The following POLR3B variants were observed in gnomAD, a reference collection of about 807,000 sequenced individuals.
The protein encoded by POLR3B is DNA-directed RNA polymerase III subunit RPC2.
Under a neutral mutation model 147.4 loss-of-function variants are expected in POLR3B, and 96 were observed. The ratio of observed to expected loss-of-function variants is 0.65; its 90% CI spans 0.55 to 0.77. The LOEUF (loss-of-function observed/expected upper bound fraction) is 0.77, where lower values mean the gene tolerates loss of function less well. Among genes scored for constraint, POLR3B ranks in the 30% least tolerant of loss-of-function variants. POLR3B has a pLI of 0.00. For synonymous variants in POLR3B, 461 were observed against 485.9 expected (o/e 0.95, Z 0.67); for missense variants, 1,036 against 1,413.5 (o/e 0.73, Z 4.28).
intron 10 of POLR3B, among the ~76,000 whole-genome samples, chr12:106,402,400 G>A (rs969801495): frequency 6.6e-6 from 1 of 152,160 alleles, no homozygotes; most frequent in African/African-American, 2.4e-5. Context: ...GTAATTTATA[G>A]ATTCAATGCC....
At chr12:106,369,019 G>C (rs1045483370) in intron 4 of POLR3B, among the ~76,000 whole-genome samples, 1 of 151,744 alleles carries the variant, frequency 6.6e-6, no homozygotes, top group Non-Finnish European at 1.5e-5. Flanking sequence ...ATCATTTTTA[G>C]GGAGCTGTAT....
chr12:106,379,468 T>A (rs111480341), intron 8 of POLR3B, among the ~76,000 whole-genome samples: 2 of 152,372 alleles, frequency 1.3e-5, no homozygotes, highest in African/African-American at 4.8e-5. Flanking sequence ...CAATGCGTAG[T>A]AGCAGGTAAT....
At chr12:106,469,596 C>T (rs1171355916) in intron 23 of POLR3B, among the ~76,000 whole-genome samples, 2 of 152,096 alleles carry the variant, frequency 1.3e-5, no homozygotes, top group Non-Finnish European at 2.9e-5. Flanking sequence ...ACCGGTTGTT[C>T]CTTTCCATGT....
intron 13 of POLR3B, among the ~76,000 whole-genome samples, chr12:106,428,248 T>G (rs55831852): frequency 0.02 from 3,074 of 152,212 alleles, 101 homozygotes; most frequent in African/African-American, 0.07. Flanking sequence ...TCTGTTAGAA[T>G]TACTTTTCCT....
chr12:106,465,151 A>G (rs2037988071), intron 23 of POLR3B, among the ~76,000 whole-genome samples: 1 of 152,156 alleles, frequency 6.6e-6, no homozygotes. Flanking sequence ...CTTGGTCTTG[A>G]CAGTTGCTGA....
chr12:106,464,181 A>G (rs935506686), intron 23 of POLR3B, among the ~76,000 whole-genome samples: 16 of 152,218 alleles, frequency 1.1e-4, no homozygotes, highest in Admixed American at 3.3e-4. Flanking sequence ...ATCTAATCCC[A>G]TTGGCAAGCC....
At chr12:106,388,498 A>G (rs1274322967) in intron 9 of POLR3B, among the ~76,000 whole-genome samples, 1 of 152,064 alleles carries the variant, frequency 6.6e-6, no homozygotes, top group Non-Finnish European at 1.5e-5. Context: ...TTGTATCTTT[A>G]GTAGAGACGG....
intron 9 of POLR3B, among the ~76,000 whole-genome samples, chr12:106,392,175 T>G (rs2036922178): frequency 6.6e-6 from 1 of 152,212 alleles, no homozygotes; most frequent in Admixed American, 6.5e-5. Flanking sequence ...CTTATTTTTT[T>G]TCCCGAGACG....
intron 11 of POLR3B, among the ~76,000 whole-genome samples, chr12:106,408,410 C>T (rs116023662): frequency 0.016 from 2,466 of 152,264 alleles, 66 homozygotes; most frequent in African/African-American, 0.057. Flanking sequence ...GGACTAGTAG[C>T]ATCTGCATCA....
chr12:106,416,289 G>A (rs551593452), intron 12 of POLR3B, among the ~76,000 whole-genome samples: 2 of 152,262 alleles, frequency 1.3e-5, no homozygotes, highest in African/African-American at 4.8e-5. Context: ...TTTTAGTTAT[G>A]AGAAATTGCA....
At chr12:106,374,642 G>T (rs1254392497) in intron 6 of POLR3B, among the ~76,000 whole-genome samples, 1 of 151,984 alleles carries the variant, frequency 6.6e-6, no homozygotes, top group Non-Finnish European at 1.5e-5. Flanking sequence ...AGCCTCCTGA[G>T]TAGCTGGGAC....
rs1004170082 is a variant in POLR3B at position 106,426,848 on chromosome 12, C to A, written c.1102-349C>A. On this transcript the variant is annotated intron_variant, in intron 12 of 27. Transcript: ENST00000228347. ...TAATTCTTCTCCACCGTCCCCCCCCCCCCCCCCCGTCCTTTTTGGTTTTAA... is the reference window on the plus strand; with the variant it reads ...TAATTCTTCTCCACCGTCCCCCCCCACCCCCCCCGTCCTTTTTGGTTTTAA... 8.0e-5 allele frequency among the ~76,000 whole-genome samples: 8 copies of A among 100,326 alleles called. 1 individual carries two copies. The highest frequency in any genetic ancestry group is 1.2e-4 in the Non-Finnish European group (5 of 42,868). 65.8% of individuals were successfully genotyped at this position (100,326 alleles called of 152,430 possible).
At chr12:106,421,834 GGA>G (rs1565891392) in intron 12 of POLR3B, among the ~76,000 whole-genome samples, 2 of 151,876 alleles carry the variant, frequency 1.3e-5, no homozygotes, top group East Asian at 3.9e-4. Context: ...CAAGTAGCTG[GGA>G]TTACAGGCAT....
Position 106,457,122 on chromosome 12 carries a change from C to A in POLR3B, c.2294-16C>A, listed in dbSNP as rs752450348. 6 of 1,610,112 alleles carry A rather than the reference C, an allele frequency of 3.7e-6. No individual in the cohort carries two copies. The Admixed American group carries it at 1.0e-4, about 27-fold the overall frequency. On this transcript the variant is annotated splice_polypyrimidine_tract_variant and intron_variant, in intron 20 of 27. Coordinates refer to ENST00000228347, the MANE Select transcript of POLR3B (RefSeq NM_018082.6). The stretch of plus-strand genomic sequence containing the variant: ...GGTTACTGGTGGTTCTAATGCCCAT[C>A]TTGGTTTCATTTTAGGCTTTGGGCG...
At position 106,432,617 on chromosome 12, in the gene POLR3B, T is replaced by C. The variant is rs1205579933; in HGVS notation, c.1627+137T>C. ...TTGACCTTCACTTAAAGGTAGAAAA[T>C]ACAATGATAACAGAAACAGTTACTT... On this transcript the variant is annotated intron_variant, in intron 15 of 27. Coordinates refer to ENST00000228347, the MANE Select transcript of POLR3B (RefSeq NM_018082.6). 6 of 776,710 alleles carry C rather than the reference T, an allele frequency of 7.7e-6. No individual in the cohort carries two copies. In the Admixed American group the frequency reaches 1.1e-4, roughly 15 times the overall value. The allele number at this position is 776,710 out of a possible 1,614,324, so 48.1% of individuals were successfully genotyped here. A position where few individuals can be genotyped will look rare whatever the true frequency, so the allele number is the denominator to read the frequency against.
intron 13 of POLR3B, among the ~76,000 whole-genome samples, chr12:106,429,747 C>A (rs1363622845): frequency 6.6e-6 from 1 of 151,994 alleles, no homozygotes; most frequent in African/African-American, 2.4e-5. Context: ...AATTAAGAAG[C>A]CTTCAGTTTG....
At chr12:106,463,182 A>C (rs1262242776) in intron 22 of POLR3B, among the ~76,000 whole-genome samples, 1 of 152,182 alleles carries the variant, frequency 6.6e-6, no homozygotes, top group Admixed American at 6.5e-5. Context: ...GCCCTTGGAC[A>C]AGTTACTTAA....
intron 23 of POLR3B, among the ~76,000 whole-genome samples, chr12:106,469,261 A>T (rs1199895730): frequency 7.2e-6 from 1 of 138,662 alleles, no homozygotes; most frequent in Non-Finnish European, 1.5e-5. Context: ...CCAGGATTGC[A>T]ACCCCTGCTT....
intron 24 of POLR3B, chr12:106,496,406 C>T (rs1331407361): frequency 3.2e-6 from 2 of 615,940 alleles, no homozygotes; most frequent in Non-Finnish European, 5.7e-6. Context: ...GAATTTACCC[C>T]TCAGCAAAAG....
Sources: allele counts gnomAD v4.1 joint callset (sites outside exome capture counted in the v4.1 genomes callset), GRCh38; gene constraint gnomAD v4.1.1; transcripts MANE v1.5; gene names NCBI Gene and HGNC (gene_info 2026-07-23, HGNC 2026-07-21).